KALRN: variants seen among roughly 807,000 people sequenced by gnomAD.
The protein encoded by KALRN is kalirin RhoGEF kinase, also known as kalirin.
In KALRN, 70 loss-of-function variants were observed where a neutral mutation model predicts 353.7. The observed-to-expected ratio is 0.20, with a 90% CI of 0.16 to 0.24. The LOEUF (loss-of-function observed/expected upper bound fraction) is 0.24, where lower values mean the gene tolerates loss of function less well. Ranked by LOEUF, KALRN falls within the 10% of genes least tolerant of loss-of-function variation. The probability of loss-of-function intolerance (pLI) is 1.00; values close to 1 mark genes in which losing one functional copy is unlikely to be tolerated. For synonymous variants in KALRN, 1,391 were observed against 1,434.8 expected (o/e 0.97, Z 0.69); for missense variants, 2,791 against 3,756.7 (o/e 0.74, Z 6.72).
In KALRN at chr3:124,718,918, T is replaced by A; in HGVS notation, c.8416-7T>A. 6.2e-7 allele frequency: 1 copy of A among 1,612,566 alleles called. No homozygotes were observed. Among genetic ancestry groups the A allele is most frequent in the Non-Finnish European group, 8.5e-7 (1 of 1,178,594 alleles). ...TCTTTTCTCCCTGCTTCCTTGGATC[T>A]CTGCAGCCTGAAAACCTGCTCATTG... is the stretch of plus-strand genomic sequence containing the variant. On this transcript the variant is annotated splice_region_variant and splice_polypyrimidine_tract_variant and intron_variant, in intron 59 of 59. Transcript: ENST00000682506.
intron 1 of KALRN, chr3:124,162,311 C>T (rs1281800609): frequency 1.3e-5 from 2 of 152,026 alleles, no homozygotes; most frequent in Admixed American, 6.6e-5. Flanking sequence ...GAGCTCACTG[C>T]CTTAATGTGG....
chr3:124,350,708 A>C (rs1411665066), intron 10 of KALRN, among the ~76,000 whole-genome samples: 1 of 152,228 alleles, frequency 6.6e-6, no homozygotes, highest in Admixed American at 6.5e-5. Flanking sequence ...ATCCACTGGC[A>C]TAATCCACAT....
intron 1 of KALRN, among the ~76,000 whole-genome samples, chr3:124,169,662 G>GAGATGT (rs2071442483): frequency 6.6e-6 from 1 of 152,126 alleles, no homozygotes; most frequent in Non-Finnish European, 1.5e-5. Flanking sequence ...GTCTCTGATG[G>GAGATGT]AGATGTAGTT....
At chr3:124,400,074 T>A (rs562516492) in intron 13 of KALRN, among the ~76,000 whole-genome samples, 2 of 152,306 alleles carry the variant, frequency 1.3e-5, no homozygotes, top group South Asian at 4.2e-4. Flanking sequence ...TTAGGGCTTC[T>A]GGGTTTGGTG....
intron 34 of KALRN, among the ~76,000 whole-genome samples, chr3:124,611,205 G>C (rs2077921081): frequency 6.6e-6 from 1 of 152,156 alleles, no homozygotes; most frequent in South Asian, 2.1e-4. Flanking sequence ...AGAGAGAATG[G>C]GCTCTGTGGG....
At chr3:124,530,148 C>A (rs1009733127) in intron 33 of KALRN, among the ~76,000 whole-genome samples, 2 of 152,158 alleles carry the variant, frequency 1.3e-5, no homozygotes, top group Admixed American at 6.5e-5. Context: ...AGCTGATCTT[C>A]AGCTTGATTT....
intron 6 of KALRN, among the ~76,000 whole-genome samples, chr3:124,299,485 T>G (rs1008957339): frequency 6.6e-6 from 1 of 151,430 alleles, no homozygotes; most frequent in South Asian, 2.1e-4. Flanking sequence ...GAGCAGGAGG[T>G]GGGGTGGGAT....
intron 34 of KALRN, among the ~76,000 whole-genome samples, chr3:124,600,882 G>A (rs191712943): frequency 1.2e-3 from 180 of 152,322 alleles, no homozygotes; most frequent in African/African-American, 4.1e-3. Flanking sequence ...TGAAGCTGGG[G>A]TTCTAGCACT....
chr3:124,617,159 C>G (rs1326181938), intron 34 of KALRN, among the ~76,000 whole-genome samples: 1 of 151,946 alleles, frequency 6.6e-6, no homozygotes, highest in Non-Finnish European at 1.5e-5. Flanking sequence ...CGGTGAAACC[C>G]TGTCTCTACA....
chr3:124,345,814 G>T (rs1029309930), intron 9 of KALRN, among the ~76,000 whole-genome samples: 6 of 152,126 alleles, frequency 3.9e-5, no homozygotes. Flanking sequence ...CTTTGAAAAT[G>T]TTCATACCTT....
chr3:124,250,941 T>G (rs1210912802), intron 3 of KALRN, among the ~76,000 whole-genome samples: 3 of 152,240 alleles, frequency 2.0e-5, no homozygotes, highest in South Asian at 4.1e-4. Flanking sequence ...CACTCCCATC[T>G]GAACCCACCC....
At chr3:124,395,832 C>T (rs2090091494) in intron 12 of KALRN, among the ~76,000 whole-genome samples, 1 of 152,142 alleles carries the variant, frequency 6.6e-6, no homozygotes, top group African/African-American at 2.4e-5. Flanking sequence ...CTACCAGTTC[C>T]CTGTTACCCA....
chr3:124,066,725 G>A (rs962328553), intron 1 of KALRN, among the ~76,000 whole-genome samples: 32 of 152,180 alleles, frequency 2.1e-4, no homozygotes, highest in African/African-American at 7.5e-4. Context: ...GAGGGCAAGG[G>A]AGCCTTCATA....
intron 5 of KALRN, among the ~76,000 whole-genome samples, chr3:124,289,569 G>A (rs1288950570): frequency 6.6e-6 from 1 of 152,170 alleles, no homozygotes; most frequent in Non-Finnish European, 1.5e-5. Flanking sequence ...GAGATAATGT[G>A]TGTAAACCTC....
intron 10 of KALRN, among the ~76,000 whole-genome samples, chr3:124,348,348 CCAGA>C (rs1169710455): frequency 2.0e-5 from 3 of 152,168 alleles, no homozygotes; most frequent in Non-Finnish European, 2.9e-5. Flanking sequence ...GCTCCCAGCC[CCAGA>C]CAGACTATGT....
chr3:124,581,408 A>T (rs1470170050), intron 34 of KALRN, among the ~76,000 whole-genome samples: 1 of 145,942 alleles, frequency 6.9e-6, no homozygotes, highest in Admixed American at 6.8e-5. Context: ...AAAAAAAAGT[A>T]TCGGTGGAAA....
Position 124,264,558 on chromosome 3 carries a change from C to T in KALRN, c.324C>T (p.Asp108=), listed in dbSNP as rs199766831. 6.2e-7 allele frequency: 1 copy of T among 1,614,152 alleles called. No individual in the cohort carries two copies. Among genetic ancestry groups the T allele is most frequent in the East Asian group, 2.2e-5 (1 of 44,884 alleles). ...VIIDMRGSKW[D]LIKPLLKTLQ... ...TCGACATGCGGGGCTCCAAGTGGGACCTCATCAAGCCCCTCCTCAAAACGC... is the reference window on the plus strand; with the variant it reads ...TCGACATGCGGGGCTCCAAGTGGGATCTCATCAAGCCCCTCCTCAAAACGC... The change falls in exon 4 of 60, where the codon GAC becomes GAT. Residue 108 remains aspartate, a synonymous_variant. Transcript: ENST00000682506.
intron 5 of KALRN, among the ~76,000 whole-genome samples, chr3:124,292,696 C>T (rs1026357603): frequency 1.3e-5 from 2 of 152,158 alleles, no homozygotes; most frequent in Non-Finnish European, 2.9e-5. Flanking sequence ...TGCATATGAG[C>T]TGCAGGTGTG....
intron 19 of KALRN, among the ~76,000 whole-genome samples, chr3:124,444,636 A>C (rs1413775686): frequency 2.6e-5 from 3 of 114,142 alleles, no homozygotes; most frequent in African/African-American, 1.1e-4. Context: ...CCATCTCTAC[A>C]AAAAAAAAAA....
Sources: gnomAD v4.1 joint callset for allele counts (sites outside exome capture counted in the v4.1 genomes callset) on GRCh38, gnomAD v4.1.1 for gene constraint, MANE v1.5 for transcripts, NCBI Gene and HGNC (gene_info 2026-07-23, HGNC 2026-07-21) for gene names.